GSAP: variants seen among roughly 807,000 people sequenced by gnomAD.
GSAP encodes gamma-secretase activating protein, also known as gamma-secretase-activating protein.
In GSAP, 118 loss-of-function variants were observed where a neutral mutation model predicts 131.7. The ratio of observed to expected loss-of-function variants is 0.90; its 90% CI spans 0.77 to 1.04. The LOEUF (loss-of-function observed/expected upper bound fraction) is 1.04. Among genes scored for constraint, GSAP ranks in the 50% least tolerant of loss-of-function variants. The probability of loss-of-function intolerance (pLI) is 0.00; values close to 1 mark genes in which losing one functional copy is unlikely to be tolerated. For synonymous variants in GSAP, 381 were observed against 363.4 expected, an observed-to-expected ratio of 1.05 and a Z score of -0.55; for missense variants, 1,019 against 1,013.2, an observed-to-expected ratio of 1.01 and a Z score of -0.08.
intron 3 of GSAP, among the ~76,000 whole-genome samples, chr7:77,402,768 T>C (rs931022341): frequency 6.6e-6 from 1 of 151,644 alleles, no homozygotes; most frequent in East Asian, 1.9e-4. Flanking sequence ...GTTTAGCGAC[T>C]ACGGTTCAGA....
intron 2 of GSAP, among the ~76,000 whole-genome samples, chr7:77,405,067 G>A (rs1029185225): frequency 6.6e-6 from 1 of 152,106 alleles, no homozygotes; most frequent in Admixed American, 6.5e-5. Flanking sequence ...AAGCAAACTG[G>A]CCATTTGAAT....
intron 18 of GSAP, chr7:77,351,701 C>T: frequency 2.0e-6 from 2 of 985,826 alleles, no homozygotes; most frequent in Non-Finnish European, 1.2e-6. Flanking sequence ...TTGAGAAGTG[C>T]AAAAGGGAAG....
chr7:77,369,940 G>C (rs1795871729), intron 12 of GSAP, among the ~76,000 whole-genome samples: 1 of 151,900 alleles, frequency 6.6e-6, no homozygotes, highest in Non-Finnish European at 1.5e-5. Flanking sequence ...GAAGAGTGAA[G>C]CTTATTTTCT....
At chr7:77,383,667 C>G (rs1161182484) in intron 6 of GSAP, among the ~76,000 whole-genome samples, 4 of 152,134 alleles carry the variant, frequency 2.6e-5, no homozygotes, top group Admixed American at 1.3e-4. Flanking sequence ...CTGACCCCGT[C>G]GGCTGTGATA....
chr7:77,410,447 G>A (rs1274276164), intron 1 of GSAP, among the ~76,000 whole-genome samples: 1 of 152,182 alleles, frequency 6.6e-6, no homozygotes, highest in Non-Finnish European at 1.5e-5. Context: ...TTCATCACTG[G>A]AAAGTCCAGA....
chr7:77,409,878 T>C (rs750356209), intron 1 of GSAP, among the ~76,000 whole-genome samples: 1 of 152,214 alleles, frequency 6.6e-6, no homozygotes, highest in African/African-American at 2.4e-5. Flanking sequence ...GACACATTTT[T>C]ATCCCATTAA....
chr7:77,339,551 G>A (rs1169145707), intron 19 of GSAP, among the ~76,000 whole-genome samples: 1 of 152,160 alleles, frequency 6.6e-6, no homozygotes, highest in African/African-American at 2.4e-5. Context: ...GAATACATGT[G>A]GAGCCAAAAG....
intron 14 of GSAP, among the ~76,000 whole-genome samples, chr7:77,358,288 C>T (rs1441657459): frequency 6.6e-6 from 1 of 152,192 alleles, no homozygotes; most frequent in Non-Finnish European, 1.5e-5. Context: ...TTGCAGTGAG[C>T]CAAGATCATA....
chr7:77,350,719 G>A (rs1792738088), intron 18 of GSAP, among the ~76,000 whole-genome samples: 1 of 152,150 alleles, frequency 6.6e-6, no homozygotes, highest in African/African-American at 2.4e-5. Context: ...CTCCAGACTG[G>A]ACGACAGAGC....
At chr7:77,391,496 C>G (rs1448189114) in intron 5 of GSAP, among the ~76,000 whole-genome samples, 3 of 152,114 alleles carry the variant, frequency 2.0e-5, no homozygotes, top group Non-Finnish European at 2.9e-5. Context: ...AGCAAATCAC[C>G]AAGCTTTCCT....
chr7:77,349,359 G>A lies in GSAP; in HGVS notation c.1537C>T (p.Leu513Phe). 1.2e-6 allele frequency: 2 copies of A among 1,610,858 alleles called. No individual in the cohort carries two copies. The highest frequency in any genetic ancestry group is 1.1e-5 in the South Asian group (1 of 90,998). The change falls in exon 19 of 31, where the codon CTT becomes TTT. Residue 513 changes from leucine to phenylalanine, a missense_variant. By Grantham distance (22) the Leu-to-Phe change is conservative. Transcript: ENST00000257626. ...TGCTGTAAGGGACCTACCTTCATAA[G>A]AGGCAATGCAATGTCTTCTGTCACA... ...TLVTEDIALP[L>F]MKVLSFKGYW...
intron 14 of GSAP, among the ~76,000 whole-genome samples, chr7:77,358,685 C>T (rs896734107): frequency 1.3e-5 from 2 of 152,138 alleles, no homozygotes; most frequent in Non-Finnish European, 2.9e-5. Context: ...GATTGTAACA[C>T]TGACAACACT....
chr7:77,409,820 A>G (rs1232043116), intron 1 of GSAP, among the ~76,000 whole-genome samples: 1 of 152,234 alleles, frequency 6.6e-6, no homozygotes, highest in African/African-American at 2.4e-5. Flanking sequence ...TCAGATTACT[A>G]TAATACTAAG....
chr7:77,351,020 T>C (rs1366642686), intron 18 of GSAP: 6 of 562,368 alleles, frequency 1.1e-5, no homozygotes, highest in South Asian at 7.9e-5. Context: ...TTTTAGGAGA[T>C]GTAATGTAGA....
At chr7:77,345,800 C>T (rs546030254) in intron 19 of GSAP, among the ~76,000 whole-genome samples, 10 of 152,232 alleles carry the variant, frequency 6.6e-5, no homozygotes, top group African/African-American at 2.2e-4. Context: ...GGACTCAGCC[C>T]GCCTGCACCC....
At chr7:77,390,584 C>T (rs1311355841) in intron 5 of GSAP, among the ~76,000 whole-genome samples, 2 of 151,912 alleles carry the variant, frequency 1.3e-5, no homozygotes, top group Non-Finnish European at 2.9e-5. Flanking sequence ...TGTCAAAGAT[C>T]AGATAGTTGT....
intron 3 of GSAP, among the ~76,000 whole-genome samples, chr7:77,402,616 A>AAAAAAAAAAAAAAAAAAAAAG (rs375595494): frequency 2.5e-5 from 2 of 80,422 alleles, no homozygotes; most frequent in Non-Finnish European, 5.4e-5. Context: ...AAAAAAAAAA[A>AAAAAAAAAAAAAAAAAAAAAG]GAATTTTAAA....
intron 12 of GSAP, among the ~76,000 whole-genome samples, chr7:77,368,831 G>C (rs947203224): frequency 6.6e-6 from 1 of 152,204 alleles, no homozygotes; most frequent in Admixed American, 6.5e-5. Context: ...TTGCAAAGAA[G>C]TTATATCTGG....
intron 8 of GSAP, among the ~76,000 whole-genome samples, chr7:77,379,576 C>CCT (rs923275900): frequency 4.0e-5 from 6 of 151,760 alleles, no homozygotes; most frequent in Admixed American, 6.6e-5. Flanking sequence ...TGTCTGTCTG[C>CCT]CTCTCTCTCT....
Sources: gnomAD v4.1 joint callset for allele counts (sites outside exome capture counted in the v4.1 genomes callset) on GRCh38, gnomAD v4.1.1 for gene constraint, MANE v1.5 for transcripts, NCBI Gene and HGNC (gene_info 2026-07-23, HGNC 2026-07-21) for gene names.